The following CEP112 variants were observed in gnomAD, a reference collection of about 807,000 sequenced individuals.
CEP112 encodes the protein centrosomal protein of 112 kDa.
Under a neutral mutation model 153.0 loss-of-function variants are expected in CEP112, and 127 were observed. That is an observed-to-expected ratio of 0.83 (90% CI 0.72 to 0.96). The LOEUF is 0.96. Ranked by LOEUF, CEP112 falls within the 40% of genes least tolerant of loss-of-function variation. The pLI, the probability that CEP112 is intolerant of heterozygous loss-of-function variation, is 0.00. For synonymous variants in CEP112, 358 were observed against 374.4 expected (o/e 0.96, Z 0.51); for missense variants, 1,089 against 1,101.2 (o/e 0.99, Z 0.16).
chr17:65,924,787 T>G (rs1006201126), intron 19 of CEP112, among the ~76,000 whole-genome samples: 1 of 152,108 alleles, frequency 6.6e-6, no homozygotes, highest in Non-Finnish European at 1.5e-5. Flanking sequence ...CTTGCTGCTC[T>G]CTCCCACTCC....
At chr17:65,913,650 G>C in intron 19 of CEP112, 1 of 985,358 alleles carries the variant, frequency 1.0e-6, no homozygotes, top group Non-Finnish European at 1.2e-6. Context: ...ATGTTGCTGT[G>C]ATAACCGCTG....
intron 21 of CEP112, among the ~76,000 whole-genome samples, chr17:65,835,344 C>T (rs187051221): frequency 3.4e-4 from 52 of 152,156 alleles, no homozygotes; most frequent in East Asian, 5.8e-4. Context: ...ATACCATCCA[C>T]GCACAGGAAG....
intron 2 of CEP112, among the ~76,000 whole-genome samples, chr17:66,179,237 T>C (rs1339217658): frequency 6.6e-6 from 1 of 152,168 alleles, no homozygotes; most frequent in Non-Finnish European, 1.5e-5. Context: ...AAGAATGTCA[T>C]TGGTATTTTG....
intron 8 of CEP112, among the ~76,000 whole-genome samples, chr17:66,093,246 G>A (rs1026420066): frequency 1.3e-5 from 2 of 152,130 alleles, no homozygotes; most frequent in Non-Finnish European, 2.9e-5. Context: ...GGAGGCTAAG[G>A]CAGGAGAATT....
At chr17:65,818,598 T>A (rs981668742) in intron 21 of CEP112, among the ~76,000 whole-genome samples, 1 of 151,832 alleles carries the variant, frequency 6.6e-6, no homozygotes, top group Non-Finnish European at 1.5e-5. Flanking sequence ...CTCCTCAAGT[T>A]TATTATTATA....
At chr17:66,118,166 A>G (rs2069393662) in intron 6 of CEP112, among the ~76,000 whole-genome samples, 1 of 152,188 alleles carries the variant, frequency 6.6e-6, no homozygotes, top group South Asian at 2.1e-4. Context: ...CTGGGTCTAC[A>G]TCCAAAAGAA....
At chr17:65,809,673 T>G (rs190544473) in intron 21 of CEP112, among the ~76,000 whole-genome samples, 15 of 152,278 alleles carry the variant, frequency 9.9e-5, no homozygotes, top group African/African-American at 3.4e-4. Flanking sequence ...GTTTCAGAAA[T>G]ATTAAGTGCC....
chr17:66,188,584 G>GT (rs56059206), intron 1 of CEP112, among the ~76,000 whole-genome samples: 26,936 of 147,680 alleles, frequency 0.18, 3,225 homozygotes, highest in East Asian at 0.66. Context: ...TTATCATGCT[G>GT]TTTTTTTTTT....
intron 23 of CEP112, among the ~76,000 whole-genome samples, chr17:65,724,677 G>A (rs2050081457): frequency 6.6e-6 from 1 of 152,104 alleles, no homozygotes; most frequent in Non-Finnish European, 1.5e-5. Flanking sequence ...TTATACATAT[G>A]TCTCAACCTA....
chr17:66,139,583 G>A (rs770805125), intron 4 of CEP112, among the ~76,000 whole-genome samples: 7 of 152,010 alleles, frequency 4.6e-5, no homozygotes, highest in Non-Finnish European at 7.4e-5. Context: ...GCTCCAGTCC[G>A]GGTGACAGAG....
chr17:65,786,916 C>T (rs1002478125), intron 21 of CEP112, among the ~76,000 whole-genome samples: 1 of 152,090 alleles, frequency 6.6e-6, no homozygotes, highest in African/African-American at 2.4e-5. Flanking sequence ...CTCTTCATTT[C>T]TGACACATGC....
At chr17:66,079,323 T>A (rs1022865007) in intron 8 of CEP112, among the ~76,000 whole-genome samples, 1 of 152,170 alleles carries the variant, frequency 6.6e-6, no homozygotes, top group South Asian at 2.1e-4. Context: ...ATTCATAGAA[T>A]TATTATTTGT....
intron 18 of CEP112, among the ~76,000 whole-genome samples, chr17:65,958,748 AG>A (rs1201032063): frequency 6.6e-6 from 1 of 152,092 alleles, no homozygotes; most frequent in Non-Finnish European, 1.5e-5. Flanking sequence ...CCTGCTCATA[AG>A]GGGATGGGTC....
chr17:65,672,397 C>T (rs1053116598), intron 24 of CEP112, among the ~76,000 whole-genome samples: 1 of 152,104 alleles, frequency 6.6e-6, no homozygotes, highest in Non-Finnish European at 1.5e-5. Flanking sequence ...AAAATGAACT[C>T]TACAATCTTA....
intron 24 of CEP112, among the ~76,000 whole-genome samples, chr17:65,686,706 A>G (rs1382801798): frequency 6.6e-6 from 1 of 152,182 alleles, no homozygotes; most frequent in East Asian, 1.9e-4. Context: ...GACTTGGCAC[A>G]CGATGGGCAA....
intron 4 of CEP112, among the ~76,000 whole-genome samples, chr17:66,138,088 T>C (rs2070519455): frequency 6.6e-6 from 1 of 152,128 alleles, no homozygotes; most frequent in Admixed American, 6.6e-5. Flanking sequence ...ACAATGAGTA[T>C]TGCTAGGGAA....
chr17:66,174,316 A>G (rs2072376004), intron 4 of CEP112, among the ~76,000 whole-genome samples: 1 of 152,238 alleles, frequency 6.6e-6, no homozygotes, highest in Admixed American at 6.5e-5. Context: ...ATTACTAATA[A>G]CATTTCTATA....
At chr17:65,682,717 C>T (rs232110) in intron 24 of CEP112, among the ~76,000 whole-genome samples, 71,309 of 151,786 alleles carry the variant, frequency 0.47, 17,024 homozygotes, top group Middle Eastern at 0.55. Flanking sequence ...ACTGATATCA[C>T]ACCTTCTGGC....
At chr17:66,022,372 G>A (rs192096725) in intron 16 of CEP112, among the ~76,000 whole-genome samples, 7 of 152,228 alleles carry the variant, frequency 4.6e-5, no homozygotes, top group African/African-American at 1.4e-4. Flanking sequence ...AAGGAACACA[G>A]TAATTTTCTA....
Sources: allele counts gnomAD v4.1 joint callset (sites outside exome capture counted in the v4.1 genomes callset), GRCh38; gene constraint gnomAD v4.1.1; transcripts MANE v1.5; gene names NCBI Gene and HGNC (gene_info 2026-07-23, HGNC 2026-07-21).